The following GRIA4 variants were observed in gnomAD, a reference collection of about 807,000 sequenced individuals.
GRIA4 encodes glutamate receptor 4.
A neutral mutation model predicts 104.0 loss-of-function variants in GRIA4; 34 were observed. The observed-to-expected ratio is 0.33, with a 90% CI of 0.25 to 0.44. The LOEUF (loss-of-function observed/expected upper bound fraction) is 0.44. Among genes scored for constraint, GRIA4 ranks in the 20% least tolerant of loss-of-function variants. The pLI, the probability that GRIA4 is intolerant of heterozygous loss-of-function variation, is 1.00. For missense variants in GRIA4, 750 were observed against 1,096.5 expected, an observed-to-expected ratio of 0.68 and a Z score of 4.46; for synonymous variants, 386 against 381.9, an observed-to-expected ratio of 1.01 and a Z score of -0.13.
At chr11:105,808,600 A>G (rs1943046269) in intron 4 of GRIA4, among the ~76,000 whole-genome samples, 1 of 152,110 alleles carries the variant, frequency 6.6e-6, no homozygotes, top group Non-Finnish European at 1.5e-5. Context: ...AATCAGATAT[A>G]CAGACAGATC....
At chr11:105,940,129 C>G (rs1022180186) in intron 14 of GRIA4, among the ~76,000 whole-genome samples, 1 of 152,144 alleles carries the variant, frequency 6.6e-6, no homozygotes, top group African/African-American at 2.4e-5. Flanking sequence ...CTTTGGGAGG[C>G]TGAGGCGGGC....
intron 4 of GRIA4, among the ~76,000 whole-genome samples, chr11:105,802,105 T>G (rs1942743905): frequency 6.6e-6 from 1 of 152,136 alleles, no homozygotes; most frequent in Admixed American, 6.6e-5. Flanking sequence ...AAGAGACTCA[T>G]CAGTTTAGTC....
At chr11:105,933,657 T>C in intron 13 of GRIA4, 65 bp from the exon 14 acceptor site, 5 of 1,223,194 alleles carry the variant, frequency 4.1e-6, no homozygotes, top group South Asian at 1.5e-5. Context: ...CTTATCTTGG[T>C]TCAGCGAATA....
chr11:105,614,180 CAT>C (rs1950543967), intron 3 of GRIA4: 1 of 151,384 alleles, frequency 6.6e-6, no homozygotes. Flanking sequence ...ATTATTTTAA[CAT>C]ATTAATTATT....
intron 5 of GRIA4, among the ~76,000 whole-genome samples, chr11:105,863,725 G>A (rs1489689609): frequency 6.6e-6 from 1 of 152,100 alleles, no homozygotes; most frequent in Non-Finnish European, 1.5e-5. Flanking sequence ...TCTAAGAACT[G>A]CCTGGATTGC....
chr11:105,701,172 C>T (rs1953475618), intron 3 of GRIA4, among the ~76,000 whole-genome samples: 1 of 152,182 alleles, frequency 6.6e-6, no homozygotes, highest in South Asian at 2.1e-4. Flanking sequence ...ATTTATTGTG[C>T]TGTTGTCATT....
At chr11:105,694,262 G>A (rs778995245) in intron 3 of GRIA4, among the ~76,000 whole-genome samples, 1 of 151,690 alleles carries the variant, frequency 6.6e-6, no homozygotes, top group Non-Finnish European at 1.5e-5. Flanking sequence ...CGATTCTCCT[G>A]CCTCAGCCTC....
At chr11:105,783,369 TC>T (rs764581559) in intron 4 of GRIA4, among the ~76,000 whole-genome samples, 2 of 152,214 alleles carry the variant, frequency 1.3e-5, no homozygotes, top group African/African-American at 2.4e-5. Flanking sequence ...TAATCTCATT[TC>T]AAGAGTCACT....
intron 4 of GRIA4, among the ~76,000 whole-genome samples, chr11:105,841,531 C>G (rs1944395913): frequency 6.6e-6 from 1 of 151,992 alleles, no homozygotes. Flanking sequence ...TTCTGGGAAG[C>G]TGGGTTTTTT....
intron 3 of GRIA4, among the ~76,000 whole-genome samples, chr11:105,676,315 T>C (rs1038562847): frequency 2.0e-5 from 3 of 151,696 alleles, no homozygotes; most frequent in Admixed American, 6.6e-5. Flanking sequence ...CTTGCCCAAG[T>C]ACACAGGAGG....
intron 7 of GRIA4, among the ~76,000 whole-genome samples, chr11:105,903,071 T>A (rs1283114204): frequency 1.3e-5 from 2 of 152,162 alleles, no homozygotes; most frequent in Non-Finnish European, 2.9e-5. Context: ...GGGAGCTCAC[T>A]CTTTTCTCAA....
chr11:105,783,776 G>T (rs927354844), intron 4 of GRIA4, among the ~76,000 whole-genome samples: 1 of 146,076 alleles, frequency 6.8e-6, no homozygotes, highest in Non-Finnish European at 1.6e-5. Context: ...GTGTGTGTGT[G>T]TGTGTGTGTG....
chr11:105,610,861 CTTTCT>C (rs1242751006), intron 1 of GRIA4, 42 bp from the exon 2 acceptor site: 1 of 542,780 alleles, frequency 1.8e-6, no homozygotes, highest in Non-Finnish European at 3.1e-6. Context: ...TCTTTCTTTT[CTTTCT>C]TTTCTTTTTT....
chr11:105,960,622 G>GGT (rs1948717877), intron 14 of GRIA4, among the ~76,000 whole-genome samples: 1 of 152,202 alleles, frequency 6.6e-6, no homozygotes, highest in Admixed American at 6.5e-5. Flanking sequence ...AGCTGAAACA[G>GGT]CTTCGACAGC....
At chr11:105,813,172 A>G (rs1290871000) in intron 4 of GRIA4, among the ~76,000 whole-genome samples, 1 of 151,928 alleles carries the variant, frequency 6.6e-6, no homozygotes, top group African/African-American at 2.4e-5. Flanking sequence ...GCTGGGAAAT[A>G]AATACCACAG....
intron 4 of GRIA4, among the ~76,000 whole-genome samples, chr11:105,767,804 C>A (rs2155045): frequency 0.69 from 104,248 of 151,870 alleles, 36,148 homozygotes; most frequent in African/African-American, 0.8. Context: ...AGATTAAAAA[C>A]CTCATCCAAC....
At chr11:105,798,276 A>G (rs1942574492) in intron 4 of GRIA4, among the ~76,000 whole-genome samples, 1 of 152,156 alleles carries the variant, frequency 6.6e-6, no homozygotes, top group Admixed American at 6.6e-5. Flanking sequence ...TCACATGAGA[A>G]GGTATATTTA....
intron 3 of GRIA4, among the ~76,000 whole-genome samples, chr11:105,666,837 A>T (rs1565448333): frequency 6.6e-6 from 1 of 150,452 alleles, no homozygotes; most frequent in East Asian, 2.0e-4. Flanking sequence ...CTCCTTTGCC[A>T]TTTTTTTAAT....
At chr11:105,674,568 T>C (rs767530318) in intron 3 of GRIA4, among the ~76,000 whole-genome samples, 2 of 151,900 alleles carry the variant, frequency 1.3e-5, no homozygotes, top group Non-Finnish European at 2.9e-5. Flanking sequence ...ACTATGTAGT[T>C]GGACTACATG....
Sources: allele counts gnomAD v4.1 joint callset (sites outside exome capture counted in the v4.1 genomes callset), GRCh38; gene constraint gnomAD v4.1.1; transcripts MANE v1.5; gene names NCBI Gene and HGNC (gene_info 2026-07-23, HGNC 2026-07-21).